The following DDX20 variants were observed in gnomAD, a reference collection of about 807,000 sequenced individuals.
DDX20 encodes the protein DEAD-box helicase 20.
DDX20 carries 61 observed loss-of-function variants against 76.4 expected under a neutral mutation model. The ratio of observed to expected loss-of-function variants is 0.80; its 90% CI spans 0.65 to 0.99. The LOEUF (loss-of-function observed/expected upper bound fraction) is 0.99, where lower values mean the gene tolerates loss of function less well. Ranked by LOEUF, DDX20 falls within the 50% of genes least tolerant of loss-of-function variation. The pLI, the probability that DDX20 is intolerant of heterozygous loss-of-function variation, is 0.00. For missense variants in DDX20, 976 were observed against 996.8 expected (o/e 0.98, Z 0.28); for synonymous variants, 357 against 357.4 (o/e 1.00, Z 0.01).
rs1663654895 is a variant in DDX20, at chr1:111,760,664, A to T, written c.681-42A>T. ...TCTTTAGCTTTTCCAAGTGGTGATT[A>T]TTGTTTGAATAATTTACATGGTATC... On this transcript the variant is annotated intron_variant, in intron 4 of 10. Coordinates refer to ENST00000369702, the MANE Select transcript of DDX20 (RefSeq NM_007204.5). 3 of 1,602,538 alleles carry T rather than the reference A, an allele frequency of 1.9e-6. No individual in the cohort carries two copies. In the Admixed American group the frequency reaches 5.2e-5, roughly 28 times the overall value.
In DDX20 at chr1:111,762,351, T is replaced by G; in HGVS notation, c.1104+14T>G. On this transcript the variant is annotated intron_variant, in intron 8 of 10. Transcript: ENST00000369702. The stretch of plus-strand genomic sequence containing the variant: ...TCCACAGATTTGGTAAATTTCCTAT[T>G]CAGTTTGGGTGACTAATCCATCTTG... 1 of 1,602,798 alleles carries G rather than the reference T, an allele frequency of 6.2e-7. No homozygotes were observed. Among genetic ancestry groups the G allele is most frequent in the South Asian group, 1.1e-5 (1 of 90,258 alleles).
At position 111,756,162 on chromosome 1, in the gene DDX20, G is replaced by T. The variant is rs1244536859; in HGVS notation, c.238G>T (p.Ala80Ser). The change falls in exon 1 of 11, where the codon GCC becomes TCC. Residue 80 changes from alanine to serine, a missense_variant. Ala to Ser is a moderately conservative substitution (Grantham distance 99). Around this residue, in one of 3 missense-constraint regions of DDX20, gnomAD observed 343 missense variants for 286.4 expected, o/e 1.20. Transcript: ENST00000369702. ...SRPVLEGLRA[A>S]GFERPSPVQL... ...GCCGGTGCTGGAGGGGCTGCGGGCGGCCGGCTTCGAGAGGCCCTCGCCGGT... is the reference window on the plus strand; with the variant it reads ...GCCGGTGCTGGAGGGGCTGCGGGCGTCCGGCTTCGAGAGGCCCTCGCCGGT... 2 of 1,551,118 alleles carry T rather than the reference G, an allele frequency of 1.3e-6. No homozygotes were observed. The highest frequency in any genetic ancestry group is 1.7e-6 in the Non-Finnish European group (2 of 1,156,422).
chr1:111,766,771 G>C lies in DDX20; in HGVS notation c.2347G>C (p.Ala783Pro), dbSNP rs970607869. 6.2e-6 allele frequency: 10 copies of C among 1,614,160 alleles called. No homozygotes were observed. The highest frequency in any genetic ancestry group is 8.5e-6 in the Non-Finnish European group (10 of 1,179,996). ...GGAGTACTGGAGAGCTTACTACAGG[G>C]CATGGCAAGAATATTATGCTGCCGC... is the stretch of plus-strand genomic sequence containing the variant. ...YEEYWRAYYR[A>P]WQEYYAAASH... The change falls in exon 11 of 11, where the codon GCA (alanine) becomes CCA (proline). Residue 783 changes from alanine to proline, a missense_variant. By Grantham distance (27) the Ala-to-Pro change is conservative. Around this residue, in one of 3 missense-constraint regions of DDX20, gnomAD observed 630 missense variants for 693.7 expected, o/e 0.91. Transcript: ENST00000369702.
chr1:111,760,783 C>CT lies in DDX20; in HGVS notation c.761dup (p.Leu254PhefsTer17). On this transcript the variant is annotated frameshift_variant, in exon 5 of 11. Coordinates refer to ENST00000369702, the MANE Select transcript of DDX20 (RefSeq NM_007204.5). LOFTEE classifies it high-confidence loss of function. ...ACTTATCCCGAATTTTTGGCTAATG[C>CT]TTTGACAAAGTACATGAGAGATCCC... The CT allele has an allele frequency of 1.9e-6, 3 of 1,613,884 alleles. No individual in the cohort carries two copies. The highest frequency in any genetic ancestry group is 2.5e-6 in the Non-Finnish European group (3 of 1,179,916).
At chr1:111,762,465 C>A in intron 8 of DDX20, 128 bp downstream of exon 8, 1 of 876,330 alleles carries the variant, frequency 1.1e-6, no homozygotes, top group Non-Finnish European at 1.8e-6. Context: ...ATTATCTTTC[C>A]AGTGCTGAGG....
At chr1:111,761,521 A>G (rs2101420589) in intron 7 of DDX20, 1 of 376,332 alleles carries the variant, frequency 2.7e-6, no homozygotes, top group South Asian at 5.7e-5. Flanking sequence ...CAGAAAGACA[A>G]TTTTATTAGA....
At chr1:111,760,884 T>C (rs1365919861) in intron 5 of DDX20, 36 bp downstream of exon 5, 1 of 1,596,184 alleles carries the variant, frequency 6.3e-7, no homozygotes, top group Non-Finnish European at 8.5e-7. Flanking sequence ...ATTATTGGTT[T>C]ATTTGTGATA....
In DDX20 at chr1:111,762,940, G is replaced by A. The variant is rs1424927262; in HGVS notation, c.1245G>A (p.Arg415=). ...TLGLTVTYCC[R]GEEENMMMRI... ...GGCTGACAGTGACCTACTGTTGCCG[G>A]GGAGAGGAAGAAAATATGATGATGA... Residue 415 remains arginine, a synonymous_variant, in exon 10 of 11, where the codon CGG becomes CGA. Transcript: ENST00000369702. 6.2e-7 allele frequency: 1 copy of A among 1,614,076 alleles called. No homozygotes were observed. Among genetic ancestry groups the A allele is most frequent in the Admixed American group, 1.7e-5 (1 of 60,018 alleles).
chr1:111,761,261 G>C lies in DDX20; in HGVS notation c.998G>C (p.Gly333Ala). The C allele has an allele frequency of 6.2e-7, 1 of 1,613,200 alleles. No individual in the cohort carries two copies. Among genetic ancestry groups the C allele is most frequent in the Non-Finnish European group, 8.5e-7 (1 of 1,179,610 alleles). ...QHLADILSSK[G>A]FPAECISGNM... ...TTGGCTGATATCCTTTCTTCTAAAG[G>C]CTTTCCTGCTGAGTGCATTTCAGGT... Residue 333 changes from glycine (G) to alanine (A), a missense_variant, in exon 7 of 11, where the codon GGC (glycine) becomes GCC (alanine). This residue lies in a region of DDX20 where 630 missense variants were observed against 693.7 expected (regional missense o/e 0.91). Coordinates refer to ENST00000369702, the MANE Select transcript of DDX20 (RefSeq NM_007204.5).
At position 111,762,997 on chromosome 1, in the gene DDX20, C is replaced by T. The variant is rs370305559; in HGVS notation, c.1302C>T (p.Leu434=). 9.0e-5 allele frequency: 145 copies of T among 1,609,880 alleles called. No homozygotes were observed. The highest frequency in any genetic ancestry group is 8.8e-5 in the Non-Finnish European group (103 of 1,176,482). ...RIAQKCNINL[L]PLPDPIPSGL... ...CCCAGAAATGTAATATCAACCTTCT[C>T]CCTTTACCAGGTACATTTCATCTGT... The change falls in exon 10 of 11, where the codon CTC becomes CTT. Residue 434 remains leucine (L), a synonymous_variant. Coordinates refer to ENST00000369702, the MANE Select transcript of DDX20 (RefSeq NM_007204.5).
At position 111,760,819 on chromosome 1, in the gene DDX20, G is replaced by T; in HGVS notation, c.794G>T (p.Arg265Ile). 6.2e-7 allele frequency: 1 copy of T among 1,613,212 alleles called. No homozygotes were observed. Among genetic ancestry groups the T allele is most frequent in the Non-Finnish European group, 8.5e-7 (1 of 1,179,762 alleles). ...TKYMRDPTFVRLNSSDPSLIG... is the reference protein window; with the variant it reads ...TKYMRDPTFVILNSSDPSLIG... ...TACATGAGAGATCCCACTTTTGTAA[G>T]ACTGAATTCCAGTGATCCAAGTCTC... Residue 265 changes from arginine to isoleucine, a missense_variant, in exon 5 of 11, where the codon AGA becomes ATA. Transcript: ENST00000369702.
At chr1:111,760,669 T>C in intron 4 of DDX20, 37 bp from the exon 5 acceptor site, 1 of 1,602,994 alleles carries the variant, frequency 6.2e-7, no homozygotes, top group Non-Finnish European at 8.5e-7. Context: ...TGATTATTGT[T>C]TGAATAATTT....
At chr1:111,762,584 G>T (rs1663694894) in intron 8 of DDX20, 93 bp from the exon 9 acceptor site, 4 of 1,138,876 alleles carry the variant, frequency 3.5e-6, no homozygotes, top group Admixed American at 2.1e-5. Context: ...TTCTTAATTT[G>T]TCTCTTGACT....
chr1:111,762,214 C>T (rs778690287), intron 7 of DDX20, 41 bp from the exon 8 acceptor site: 1 of 1,526,072 alleles, frequency 6.6e-7, no homozygotes, highest in Non-Finnish European at 9.0e-7. Context: ...TATGTATTAG[C>T]TTAGTTGTTT....
At position 111,760,818 on chromosome 1, in the gene DDX20, A is replaced by G. The variant is rs562324387; in HGVS notation, c.793A>G (p.Arg265Gly). Residue 265 changes from arginine to glycine, a missense_variant, in exon 5 of 11, where the codon AGA becomes GGA. Arg to Gly is a moderately radical substitution (Grantham distance 125). Coordinates refer to ENST00000369702, the MANE Select transcript of DDX20 (RefSeq NM_007204.5). Reference protein sequence around the residue: ...TKYMRDPTFVRLNSSDPSLIG... With the variant: ...TKYMRDPTFVGLNSSDPSLIG... Reference sequence around the variant, plus strand: ...GTACATGAGAGATCCCACTTTTGTAAGACTGAATTCCAGTGATCCAAGTCT... The same window carrying G: ...GTACATGAGAGATCCCACTTTTGTAGGACTGAATTCCAGTGATCCAAGTCT... 1 of 1,613,390 alleles carries G rather than the reference A, an allele frequency of 6.2e-7. No individual in the cohort carries two copies. The highest frequency in any genetic ancestry group is 1.1e-5 in the South Asian group (1 of 90,782).
At chr1:111,756,341 G>T in intron 1 of DDX20, 116 bp downstream of exon 1, 1 of 1,099,032 alleles carries the variant, frequency 9.1e-7, no homozygotes. Context: ...GGCCCCCGGA[G>T]CAGGGCCCTG....
intron 1 of DDX20, 133 bp downstream of exon 1, chr1:111,756,358 G>A (rs997659935): frequency 1.1e-6 from 1 of 926,760 alleles, no homozygotes; most frequent in Non-Finnish European, 1.5e-6. Flanking sequence ...CCTGCCGGGG[G>A]CTAGGCGCTA....
rs773622704 is a variant in DDX20 at position 111,762,756 on chromosome 1, A to G, written c.1184A>G (p.His395Arg). Residue 395 changes from histidine (H) to arginine (R), a missense_variant, in exon 9 of 11, where the codon CAT becomes CGT. Transcript: ENST00000369702. Reference protein sequence around the residue: ...DVPLDWETYMHRIGRAGRFGT... With the variant: ...DVPLDWETYMRRIGRAGRFGT... The stretch of plus-strand genomic sequence containing the variant: ...CCATTGGATTGGGAGACATACATGC[A>G]TCGGATTGGGAGAGCTGGCCGTTTT... The G allele has an allele frequency of 2.2e-5, 36 of 1,613,300 alleles. No homozygotes were observed. In the Admixed American group the frequency reaches 2.3e-4, roughly 10 times the overall value.
intron 2 of DDX20, among the ~76,000 whole-genome samples, chr1:111,758,565 C>G (rs1174255570): frequency 6.6e-6 from 1 of 151,956 alleles, no homozygotes; most frequent in Non-Finnish European, 1.5e-5. Flanking sequence ...TCAAATACAC[C>G]AAGAACACTG....
Sources: allele counts gnomAD v4.1 joint callset (sites outside exome capture counted in the v4.1 genomes callset), GRCh38; gene constraint gnomAD v4.1.1; regional missense constraint gnomAD v4.1.1; transcripts MANE v1.5; gene names NCBI Gene and HGNC (gene_info 2026-07-23, HGNC 2026-07-21).